Variants in RBFOX1 observed in about 807,000 individuals in gnomAD.
RBFOX1 encodes RNA binding fox-1 homolog 1, also known as RNA binding protein fox-1 homolog 1.
Under a neutral mutation model 57.7 loss-of-function variants are expected in RBFOX1, and 8 were observed. That is an observed-to-expected ratio of 0.14 (90% CI 0.08 to 0.25). The LOEUF (loss-of-function observed/expected upper bound fraction) is 0.25. RBFOX1 is among the 10% of genes least tolerant of loss of function. The pLI, the probability that RBFOX1 is intolerant of heterozygous loss-of-function variation, is 1.00. For synonymous variants in RBFOX1, 326 were observed against 222.4 expected, an observed-to-expected ratio of 1.47 and a Z score of -4.15; for missense variants, 611 against 548.5, an observed-to-expected ratio of 1.11 and a Z score of -1.14.
At chr16:6,353,041 T>C (rs944699708) in intron 2 of RBFOX1, among the ~76,000 whole-genome samples, 1 of 152,176 alleles carries the variant, frequency 6.6e-6, no homozygotes, top group East Asian at 1.9e-4. Context: ...GGCTGCTTTC[T>C]CGGAGAAACT....
At chr16:5,541,940 A>G (rs4516234) in intron 2 of RBFOX1, among the ~76,000 whole-genome samples, 63,743 of 151,928 alleles carry the variant, frequency 0.42, 13,744 homozygotes, top group Non-Finnish European at 0.44. Flanking sequence ...GTTTTTAGTT[A>G]CATGAATAAT....
chr16:5,580,036 GCTGGGATTACAGGTGTGAGCCA>G, intron 2 of RBFOX1, among the ~76,000 whole-genome samples: 2 of 152,286 alleles, frequency 1.3e-5, no homozygotes, highest in South Asian at 4.1e-4. Context: ...CTCCCAAAGT[GCTGGGATTACAGGTGTGAGCCA>G]CTGCGCCCAG....
intron 14 of RBFOX1, among the ~76,000 whole-genome samples, chr16:7,700,951 T>C (rs2080485725): frequency 6.6e-6 from 1 of 152,132 alleles, no homozygotes; most frequent in South Asian, 2.1e-4. Flanking sequence ...GTGTACGTAT[T>C]ATGTATGCAT....
intron 1 of RBFOX1, among the ~76,000 whole-genome samples, chr16:5,390,447 C>G (rs2066375468): frequency 6.6e-6 from 1 of 151,990 alleles, no homozygotes; most frequent in African/African-American, 2.4e-5. Context: ...CACGACTACA[C>G]TCGGCTACTT....
chr16:7,089,336 C>T (rs1352111942), intron 4 of RBFOX1, among the ~76,000 whole-genome samples: 3 of 152,080 alleles, frequency 2.0e-5, no homozygotes, highest in Non-Finnish European at 4.4e-5. Flanking sequence ...ATTCTCATAA[C>T]ATTTATTTTT....
At chr16:5,580,558 C>G (rs745921948) in intron 2 of RBFOX1, among the ~76,000 whole-genome samples, 3 of 152,314 alleles carry the variant, frequency 2.0e-5, no homozygotes, top group Non-Finnish European at 2.9e-5. Flanking sequence ...GGTGCCAGCT[C>G]CAGCTGGTCC....
intron 2 of RBFOX1, among the ~76,000 whole-genome samples, chr16:6,352,807 C>G (rs569057572): frequency 6.6e-6 from 1 of 152,168 alleles, no homozygotes; most frequent in South Asian, 2.1e-4. Flanking sequence ...TTTAGTATTT[C>G]CAGGCAATCA....
chr16:6,838,453 C>G (rs533185645), intron 3 of RBFOX1, among the ~76,000 whole-genome samples: 1 of 152,184 alleles, frequency 6.6e-6, no homozygotes, highest in South Asian at 2.1e-4. Context: ...GTTGACTAGC[C>G]CTTTTCTAGA....
Position 5,744,358 on chromosome 16 carries a change from A to T in RBFOX1, c.319-122945A>T, listed in dbSNP as rs143606717. On this transcript the variant is annotated intron_variant, in intron 3 of 19. Transcript: ENST00000641259. Reference sequence around the variant, plus strand: ...GTGTTTTAATTATTTATCTATTTCCATAGCTGCTCATGGAATCCCTTGAAA... The same window carrying T: ...GTGTTTTAATTATTTATCTATTTCCTTAGCTGCTCATGGAATCCCTTGAAA... Among the ~76,000 whole-genome samples, 20 of 152,216 alleles carry T rather than the reference A, an allele frequency of 1.3e-4. No homozygotes were observed. In the East Asian group the frequency reaches 3.3e-3, roughly 25 times the overall value.
At chr16:7,116,429 C>G (rs904395238) in intron 4 of RBFOX1, among the ~76,000 whole-genome samples, 1 of 152,128 alleles carries the variant, frequency 6.6e-6, no homozygotes, top group Non-Finnish European at 1.5e-5. Context: ...GTGAAATGCA[C>G]CAACATCTCT....
chr16:5,468,829 C>A (rs960707403), intron 2 of RBFOX1, among the ~76,000 whole-genome samples: 2 of 152,214 alleles, frequency 1.3e-5, no homozygotes, highest in African/African-American at 2.4e-5. Context: ...ATCAGAAACA[C>A]AGTTACAAGT....
chr16:7,567,525 C>G (rs2092122194), intron 5 of RBFOX1, among the ~76,000 whole-genome samples: 1 of 113,156 alleles, frequency 8.8e-6, no homozygotes, highest in Non-Finnish European at 1.8e-5. Context: ...ATATATATAT[C>G]CCTATGTATG....
rs1425950226 is a variant in RBFOX1, at chr16:5,834,694, G to GATAT, written c.319-32606_319-32605insTATA. 2.6e-5 allele frequency among the ~76,000 whole-genome samples: 3 copies of GATAT among 117,036 alleles called. No individual in the cohort carries two copies. In the South Asian group the frequency reaches 7.8e-4, roughly 30 times the overall value. 76.8% of individuals were successfully genotyped at this position (117,036 alleles called of 152,430 possible). A position where few individuals can be genotyped will look rare whatever the true frequency, so the allele number is the denominator to read the frequency against. On this transcript the variant is annotated intron_variant, in intron 3 of 19. Transcript: ENST00000641259. The stretch of plus-strand genomic sequence containing the variant: ...CTGGATTGAATGGGATAGGTAGATA[G>GATAT]ATAGATAGATAGATAGATAGATACA...
chr16:7,078,148 T>A (rs768937948), intron 4 of RBFOX1, among the ~76,000 whole-genome samples: 9 of 152,206 alleles, frequency 5.9e-5, no homozygotes, highest in Non-Finnish European at 1.3e-4. Flanking sequence ...TTCTCATCTT[T>A]AGTCTCTGGA....
Position 7,544,180 on chromosome 16 carries a change from A to G in RBFOX1, c.270+25791A>G, listed in dbSNP as rs189963251. Reference sequence around the variant, plus strand: ...ACTGGGCTTTGAGTTGCTACATTATATTTCACACCTCTGTCCTTTGGAGGT... The same window carrying G: ...ACTGGGCTTTGAGTTGCTACATTATGTTTCACACCTCTGTCCTTTGGAGGT... On this transcript the variant is annotated intron_variant, in intron 5 of 15. Transcript: ENST00000550418. Among the ~76,000 whole-genome samples the G allele has an allele frequency of 9.3e-4, 142 of 152,278 alleles. 1 individual carries two copies. The highest frequency in any genetic ancestry group is 3.2e-3 in the African/African-American group (132 of 41,558).
At chr16:7,488,442 G>GTT (rs1012461333) in intron 4 of RBFOX1, among the ~76,000 whole-genome samples, 4 of 18,636 alleles carry the variant, frequency 2.1e-4, no homozygotes, top group Admixed American at 1.2e-3. Context: ...TCATTCTTTC[G>GTT]TTGTTTGTCT....
chr16:6,803,480 AT>A (rs926903545), intron 3 of RBFOX1, among the ~76,000 whole-genome samples: 1 of 152,158 alleles, frequency 6.6e-6, no homozygotes, highest in Non-Finnish European at 1.5e-5. Flanking sequence ...AGGGACTGAA[AT>A]TTTTAGCTCC....
At chr16:6,990,167 G>A (rs1403067387) in intron 3 of RBFOX1, among the ~76,000 whole-genome samples, 2 of 152,178 alleles carry the variant, frequency 1.3e-5, no homozygotes, top group African/African-American at 4.8e-5. Context: ...CAGTAAGTAT[G>A]TGTTGAAGAA....
rs540898568 is a variant in RBFOX1 at position 6,599,935 on chromosome 16, A to G, written c.-63-54668A>G. Among the ~76,000 whole-genome samples the G allele has an allele frequency of 6.5e-4, 99 of 152,294 alleles. 1 individual carries two copies. Among genetic ancestry groups the G allele is most frequent in the Admixed American group, 1.8e-3 (28 of 15,300 alleles). ...TGGTACAAAGTGTTAACCCACAATCAACAAAGCATTGAACGCAGTCCATAA... is the reference window on the plus strand; with the variant it reads ...TGGTACAAAGTGTTAACCCACAATCGACAAAGCATTGAACGCAGTCCATAA... On this transcript the variant is annotated intron_variant, in intron 2 of 15. Coordinates refer to ENST00000550418, the MANE Select transcript of RBFOX1 (RefSeq NM_018723.4).
Sources: allele counts gnomAD v4.1 joint callset (sites outside exome capture counted in the v4.1 genomes callset), GRCh38; gene constraint gnomAD v4.1.1; transcripts MANE v1.5; gene names NCBI Gene and HGNC (gene_info 2026-07-23, HGNC 2026-07-21).